The following SPTBN5 variants were observed in gnomAD, a reference collection of about 807,000 sequenced individuals.
SPTBN5 encodes spectrin beta, non-erythrocytic 5.
A neutral mutation model predicts 477.6 loss-of-function variants in SPTBN5; 513 were observed. That is an observed-to-expected ratio of 1.07 (90% confidence interval 1.00 to 1.16). The LOEUF (loss-of-function observed/expected upper bound fraction) is 1.16, where lower values mean the gene tolerates loss of function less well. Among genes scored for constraint, SPTBN5 ranks in the 50% most tolerant of loss-of-function variants. The pLI is 0.00. For missense variants in SPTBN5, 5,062 were observed against 4,731.8 expected (o/e 1.07, Z -2.05); for synonymous variants, 2,169 against 2,011.7 (o/e 1.08, Z -2.09).
In SPTBN5 at chr15:41,886,300, G is replaced by A; in HGVS notation, c.955C>T (p.Leu319=). ...ATCTGCTTCTCTGCAATCCAGCGTA[G>A]AAGGTCAGCCACCAGCTGCTCGTAC... is the stretch of plus-strand genomic sequence containing the variant. The part of the protein sequence containing the change: ...TQYEQLVADL[L]RWIAEKQMQL... The change falls in exon 7 of 68, where the codon CTA becomes TTA. Residue 319 remains leucine, a synonymous_variant. Coordinates refer to ENST00000320955, the MANE Select transcript of SPTBN5 (RefSeq NM_016642.4). 1 of 1,613,224 alleles carries A rather than the reference G, an allele frequency of 6.2e-7. No individual in the cohort carries two copies. The highest frequency in any genetic ancestry group is 8.5e-7 in the Non-Finnish European group (1 of 1,179,796).
chr15:41,877,388 C>T, intron 17 of SPTBN5, 32 bp from the exon 18 acceptor site: 1 of 1,591,464 alleles, frequency 6.3e-7, no homozygotes, highest in Non-Finnish European at 8.6e-7. Flanking sequence ...GAGTCAAACC[C>T]CAGCAGGCTC....
chr15:41,872,338 TC>T lies in SPTBN5; in HGVS notation c.5128del (p.Glu1710SerfsTer21). On this transcript the variant is annotated frameshift_variant, in exon 27 of 68. Transcript: ENST00000320955. LOFTEE classifies it high-confidence loss of function. ...CAACTCCTGCAGTGCCCGCAGCTGC[TC>T]CCGGAGCCTCTCCTGCACCACACGC... is the stretch of plus-strand genomic sequence containing the variant. ...QQRVVQERLR[E>X]QLRALQELAA... 1 of 1,611,104 alleles carries T rather than the reference TC, an allele frequency of 6.2e-7. No individual in the cohort carries two copies.
At chr15:41,886,732 C>T (rs901695704) in intron 6 of SPTBN5, among the ~76,000 whole-genome samples, 1 of 152,214 alleles carries the variant, frequency 6.6e-6, no homozygotes, top group African/African-American at 2.4e-5. Flanking sequence ...CCTGTGTCAC[C>T]CCCACCCACA....
chr15:41,848,702 G>C (rs2065639621), intron 67 of SPTBN5, 74 bp from the exon 68 acceptor site: 1 of 1,553,896 alleles, frequency 6.4e-7, no homozygotes, highest in Admixed American at 1.7e-5. Flanking sequence ...ACACACTGGT[G>C]CCCCTGCCCT....
At position 41,867,520 on chromosome 15, in the gene SPTBN5, G is replaced by A. The variant is rs1377552586; in HGVS notation, c.6312+18C>T. On this transcript the variant is annotated intron_variant, in intron 35 of 67. Transcript: ENST00000320955. ...ACCACCACACTCTGACCACGCCCAG[G>A]CCTCCTGACTCCATTACCTTCTTGT... 6.2e-7 allele frequency: 1 copy of A among 1,610,296 alleles called. No individual in the cohort carries two copies. Among genetic ancestry groups the A allele is most frequent in the African/African-American group, 1.3e-5 (1 of 74,856 alleles).
chr15:41,851,332 A>G lies in SPTBN5; in HGVS notation c.10694T>C (p.Leu3565Ser), dbSNP rs2140909059. 6.4e-7 allele frequency: 1 copy of G among 1,551,066 alleles called. No homozygotes were observed. The highest frequency in any genetic ancestry group is 8.7e-7 in the Non-Finnish European group (1 of 1,146,976). The change falls in exon 64 of 68, where the codon TTG becomes TCG. Residue 3565 changes from leucine to serine, a missense_variant. By Grantham distance (145) the Leu-to-Ser change is moderately radical (BLOSUM62 -2). Coordinates refer to ENST00000320955, the MANE Select transcript of SPTBN5 (RefSeq NM_016642.4). ...SSSWDSCRGN[L>S]QGSSLSLFLD... ...GAACAGGCTCAGAGAGCTGCCCTGC[A>G]AGTTCCCGCGGCAGCTGTCCCAGGA... is the stretch of plus-strand genomic sequence containing the variant.
chr15:41,859,097 T>A lies in SPTBN5; in HGVS notation c.7989-117A>T, dbSNP rs1192141115. 6.8e-6 allele frequency: 5 copies of A among 733,976 alleles called. No homozygotes were observed. In the African/African-American group the frequency reaches 7.2e-5, roughly 11 times the overall value. 45.5% of individuals were successfully genotyped at this position (733,976 alleles called of 1,614,324 possible). A position where few individuals can be genotyped will look rare whatever the true frequency, so the allele number is the denominator to read the frequency against. ...TCTGAGTCTGGAGTTTCCTTTGGAA[T>A]AAAGGTACATTGCACTCCCCCTCTG... On this transcript the variant is annotated intron_variant, in intron 47 of 67. Coordinates refer to ENST00000320955, the MANE Select transcript of SPTBN5 (RefSeq NM_016642.4).
intron 32 of SPTBN5, 46 bp downstream of exon 32, chr15:41,869,795 A>G: frequency 6.8e-7 from 1 of 1,479,098 alleles, no homozygotes; most frequent in Non-Finnish European, 8.9e-7. Flanking sequence ...ATGGTGCAGC[A>G]CACACACATG....
Position 41,867,572 on chromosome 15 carries a change from A to G in SPTBN5, c.6278T>C (p.Val2093Ala). 2 of 1,613,696 alleles carry G rather than the reference A, an allele frequency of 1.2e-6. No individual in the cohort carries two copies. The highest frequency in any genetic ancestry group is 1.7e-6 in the Non-Finnish European group (2 of 1,179,862). Residue 2093 changes from valine to alanine, a missense_variant, in exon 35 of 68, where the codon GTC becomes GCC. Transcript: ENST00000320955. ...CTGGGCAGTCAGAACCTTCAGGAAG[A>G]CCTCGTGCTTGCGAATCAACTGCTC... is the stretch of plus-strand genomic sequence containing the variant. ...EVEQLIRKHE[V>A]FLKVLTAQDK...
Position 41,875,510 on chromosome 15 carries a change from C to G in SPTBN5, c.4235G>C (p.Gly1412Ala), listed in dbSNP as rs755290228. 2 of 1,612,508 alleles carry G rather than the reference C, an allele frequency of 1.2e-6. No individual in the cohort carries two copies. The highest frequency in any genetic ancestry group is 1.7e-6 in the Non-Finnish European group (2 of 1,179,522). ...CTGTCCAGCCTGCTGGAGCTCGTCC[C>G]CACGCTCAGTCATCTTGCGGTTCAA... ...EALNRKMTER[G>A]DELQQAGQQE... The change falls in exon 22 of 68, where the codon GGG becomes GCG. Residue 1412 changes from glycine (G) to alanine (A), a missense_variant. Transcript: ENST00000320955.
At chr15:41,876,345 C>T (rs991843785) in intron 20 of SPTBN5, 61 bp from the exon 21 acceptor site, 3 of 1,484,024 alleles carry the variant, frequency 2.0e-6, no homozygotes, top group Middle Eastern at 1.7e-4. Context: ...GGTGCCTAGC[C>T]CTGCATCTGA....
Position 41,885,426 on chromosome 15 carries a change from TTCTTC to T in SPTBN5, c.1520+304_1520+308del, listed in dbSNP as rs578181306. 1.3e-3 allele frequency among the ~76,000 whole-genome samples: 198 copies of T among 152,358 alleles called. 2 individuals are homozygous for T. Among genetic ancestry groups the T allele is most frequent in the African/African-American group, 4.4e-3 (185 of 41,574 alleles). On this transcript the variant is annotated intron_variant, in intron 7 of 67. Transcript: ENST00000320955. Reference sequence around the variant, plus strand: ...AGTTCATGAGGGAAGGAATTTTTGTTTCTTCTCTTCTCTACTAAATCTCCAGCACC... The same window carrying T: ...AGTTCATGAGGGAAGGAATTTTTGTTTCTTCTCTACTAAATCTCCAGCACC...
At chr15:41,870,389 G>T in intron 30 of SPTBN5, 36 bp from the exon 31 acceptor site, 1 of 1,603,082 alleles carries the variant, frequency 6.2e-7, no homozygotes, top group Non-Finnish European at 8.5e-7. Context: ...ATGAGGGATG[G>T]AGCGTGGGCA....
chr15:41,865,788 A>G lies in SPTBN5; in HGVS notation c.6918+20T>C, dbSNP rs755451423. ...AGTGCGGGATGCATGGCCAACCTCT[A>G]CCCAGCAAGGCCCTCTTACCCCGGC... On this transcript the variant is annotated intron_variant, in intron 39 of 67. Transcript: ENST00000320955. The G allele has an allele frequency of 2.6e-6, 4 of 1,547,864 alleles. No individual in the cohort carries two copies. The South Asian group carries it at 3.6e-5, about 14-fold the overall frequency.
Position 41,883,132 on chromosome 15 carries a change from C to T in SPTBN5, c.1756G>A (p.Gly586Arg), listed in dbSNP as rs769365811. 8.7e-6 allele frequency: 14 copies of T among 1,612,502 alleles called. No individual in the cohort carries two copies. The East Asian group carries it at 1.6e-4, about 18-fold the overall frequency. The change falls in exon 9 of 68, where the codon GGA becomes AGA. Residue 586 changes from glycine (G) to arginine (R), a missense_variant. Physicochemically the swap from Gly to Arg is moderately radical, Grantham distance 125. Transcript: ENST00000320955. ...DLLEAQVSAHGAHVSHLAQQT... is the reference protein window; with the variant it reads ...DLLEAQVSAHRAHVSHLAQQT... ...TGAGCAAGATGGCTCACATGGGCTC[C>T]GTGGGCCGAGACTTGAGCCTCCAGC...
chr15:41,877,410 T>C, intron 17 of SPTBN5, 54 bp from the exon 18 acceptor site: 1 of 1,568,300 alleles, frequency 6.4e-7, no homozygotes, highest in South Asian at 1.2e-5. Context: ...CTCGTCAGCC[T>C]CCTTCTCCTC....
chr15:41,873,039 T>G (rs989454433), intron 26 of SPTBN5, among the ~76,000 whole-genome samples: 16 of 152,112 alleles, frequency 1.1e-4, no homozygotes, highest in African/African-American at 3.6e-4. Flanking sequence ...GAAGGGGACT[T>G]CGAGACCTCC....
At chr15:41,852,096 G>A (rs2065782188) in intron 62 of SPTBN5, 86 bp downstream of exon 62, 1 of 1,481,536 alleles carries the variant, frequency 6.7e-7, no homozygotes, top group Non-Finnish European at 9.0e-7. Context: ...TCCAGGGTGT[G>A]GGCCCTCACC....
rs878913384 is a variant in SPTBN5, at chr15:41,879,643, C to T, written c.2942+91G>A. On this transcript the variant is annotated intron_variant, in intron 15 of 67. Transcript: ENST00000320955. Reference sequence around the variant, plus strand: ...TGTGCCTCGGACACGTCCAGCCTCTCCATCTGGCATGGCGGGAGGCAGGTG... The same window carrying T: ...TGTGCCTCGGACACGTCCAGCCTCTTCATCTGGCATGGCGGGAGGCAGGTG... The T allele has an allele frequency of 1.9e-6, 3 of 1,593,624 alleles. No homozygotes were observed. The South Asian group carries it at 3.4e-5, about 18-fold the overall frequency.
Sources: allele counts gnomAD v4.1 joint callset (sites outside exome capture counted in the v4.1 genomes callset), GRCh38; gene constraint gnomAD v4.1.1; transcripts MANE v1.5; gene names NCBI Gene and HGNC (gene_info 2026-07-23, HGNC 2026-07-21).